PID1: variants seen among roughly 807,000 people sequenced by gnomAD.
PID1 encodes PTB-containing, cubilin and LRP1-interacting protein.
PID1 carries 10 observed loss-of-function variants against 19.1 expected under a neutral mutation model. That is an observed-to-expected ratio of 0.52 (90% CI 0.32 to 0.89). The LOEUF (loss-of-function observed/expected upper bound fraction) is 0.89, where lower values mean the gene tolerates loss of function less well. Among genes scored for constraint, PID1 ranks in the 40% least tolerant of loss-of-function variants. PID1 has a pLI of 0.03. For synonymous variants in PID1, 130 were observed against 116.0 expected, an observed-to-expected ratio of 1.12 and a Z score of -0.78; for missense variants, 248 against 285.3, an observed-to-expected ratio of 0.87 and a Z score of 0.94.
intron 2 of PID1, among the ~76,000 whole-genome samples, chr2:229,044,864 G>A (rs6717399): frequency 0.55 from 84,251 of 152,042 alleles, 24,345 homozygotes; most frequent in African/African-American, 0.72. Flanking sequence ...AAAGACTAAC[G>A]AATAAAAAAT....
At chr2:229,179,796 C>T (rs148658664) in intron 1 of PID1, among the ~76,000 whole-genome samples, 7 of 152,300 alleles carry the variant, frequency 4.6e-5, no homozygotes, top group South Asian at 4.1e-4. Context: ...AAGGCAGCTG[C>T]GTGTAGGTCA....
chr2:229,260,026 T>G (rs1690414652), intron 1 of PID1, among the ~76,000 whole-genome samples: 1 of 152,162 alleles, frequency 6.6e-6, no homozygotes, highest in African/African-American at 2.4e-5. Flanking sequence ...GTCTAAGGAA[T>G]TTGTTACAGC....
At chr2:229,150,084 A>G (rs1338378481) in intron 2 of PID1, among the ~76,000 whole-genome samples, 1 of 152,106 alleles carries the variant, frequency 6.6e-6, no homozygotes, top group African/African-American at 2.4e-5. Flanking sequence ...AATTATAAAA[A>G]TTAGGCGGGC....
intron 1 of PID1, among the ~76,000 whole-genome samples, chr2:229,250,864 T>C (rs547862610): frequency 1.3e-5 from 2 of 152,310 alleles, no homozygotes; most frequent in South Asian, 4.1e-4. Flanking sequence ...ACCCGGCATT[T>C]AACTGATTGA....
At chr2:229,194,703 T>C (rs967219675) in intron 1 of PID1, among the ~76,000 whole-genome samples, 2 of 151,986 alleles carry the variant, frequency 1.3e-5, no homozygotes, top group African/African-American at 4.8e-5. Context: ...CAGAATGCAA[T>C]ACATATCGGT....
chr2:229,071,726 C>T (rs1256933914), intron 2 of PID1, among the ~76,000 whole-genome samples: 1 of 152,082 alleles, frequency 6.6e-6, no homozygotes, highest in Non-Finnish European at 1.5e-5. Context: ...GAGGAAAGCC[C>T]ACAGTAAAAG....
intron 1 of PID1, among the ~76,000 whole-genome samples, chr2:229,198,591 A>G (rs886378115): frequency 6.6e-6 from 1 of 152,000 alleles, no homozygotes; most frequent in Non-Finnish European, 1.5e-5. Flanking sequence ...TCCAAAAACC[A>G]TGTCATCCAT....
At chr2:229,094,237 G>C (rs949899183) in intron 2 of PID1, among the ~76,000 whole-genome samples, 1 of 152,050 alleles carries the variant, frequency 6.6e-6, no homozygotes, top group Admixed American at 6.6e-5. Flanking sequence ...CTTAACCAAA[G>C]AGATAAGAGA....
At chr2:229,146,198 A>C (rs912166249) in intron 2 of PID1, among the ~76,000 whole-genome samples, 1 of 152,152 alleles carries the variant, frequency 6.6e-6, no homozygotes, top group Non-Finnish European at 1.5e-5. Flanking sequence ...ATTGGTTCCA[A>C]GTCTTGGCTA....
chr2:229,263,016 T>C (rs1380410128), intron 1 of PID1: 1 of 926,582 alleles, frequency 1.1e-6, no homozygotes, highest in Admixed American at 3.8e-5. Context: ...GTACCAGGGG[T>C]TAAGACTTCA....
intron 2 of PID1, among the ~76,000 whole-genome samples, chr2:229,092,035 C>G (rs1041679186): frequency 6.6e-6 from 1 of 152,180 alleles, no homozygotes; most frequent in Non-Finnish European, 1.5e-5. Flanking sequence ...CGTTCAACCT[C>G]TTCTTGAAGT....
intron 2 of PID1, among the ~76,000 whole-genome samples, chr2:229,026,722 C>G (rs1693432448): frequency 6.6e-6 from 1 of 152,084 alleles, no homozygotes; most frequent in Non-Finnish European, 1.5e-5. Flanking sequence ...CTTTTTTAAC[C>G]TAAACTGTTT....
intron 1 of PID1, among the ~76,000 whole-genome samples, chr2:229,184,547 ATATATATATCCCG>A (rs1276510975): frequency 4.3e-5 from 1 of 23,086 alleles, no homozygotes; most frequent in Non-Finnish European, 7.0e-5. Flanking sequence ...TATATCCCGT[ATATATATATCCCG>A]TATATATATA....
chr2:229,189,434 C>T (rs1364020414), intron 1 of PID1, among the ~76,000 whole-genome samples: 1 of 152,230 alleles, frequency 6.6e-6, no homozygotes, highest in African/African-American at 2.4e-5. Flanking sequence ...GTGGCTCATG[C>T]CTGTAATCCC....
intron 2 of PID1, among the ~76,000 whole-genome samples, chr2:229,061,733 T>C (rs1694216154): frequency 6.6e-6 from 1 of 152,036 alleles, no homozygotes; most frequent in Admixed American, 6.6e-5. Context: ...ATAGTTCCAA[T>C]CCATAAGCAA....
intron 2 of PID1, among the ~76,000 whole-genome samples, chr2:229,126,137 A>C (rs1357440555): frequency 6.6e-6 from 1 of 152,210 alleles, no homozygotes; most frequent in Non-Finnish European, 1.5e-5. Context: ...CACTTGCCAG[A>C]TGCAACAGTA....
chr2:229,224,947 T>A (rs1420300232), intron 1 of PID1, among the ~76,000 whole-genome samples: 1 of 152,188 alleles, frequency 6.6e-6, no homozygotes, highest in East Asian at 1.9e-4. Flanking sequence ...TAACAATACC[T>A]AACCTTTTTA....
intron 1 of PID1, among the ~76,000 whole-genome samples, chr2:229,171,171 C>T (rs552611796): frequency 6.6e-6 from 1 of 152,332 alleles, no homozygotes; most frequent in Admixed American, 6.5e-5. Flanking sequence ...TTTGGTTTTG[C>T]TTTCATTTCA....
At chr2:229,047,477 CAAAA>C (rs1326982031) in intron 2 of PID1, among the ~76,000 whole-genome samples, 3 of 152,054 alleles carry the variant, frequency 2.0e-5, no homozygotes, top group Non-Finnish European at 4.4e-5. Flanking sequence ...GGAATAAAAA[CAAAA>C]TAAAAGTTAA....
Sources: gnomAD v4.1 joint callset for allele counts (sites outside exome capture counted in the v4.1 genomes callset) on GRCh38, gnomAD v4.1.1 for gene constraint, MANE v1.5 for transcripts, NCBI Gene and HGNC (gene_info 2026-07-23, HGNC 2026-07-21) for gene names.